Variants in WDR81 observed in about 807,000 individuals in gnomAD.
WDR81 encodes WD repeat domain 81, also known as WD repeat-containing protein 81.
WDR81 carries 92 observed loss-of-function variants against 140.8 expected under a neutral mutation model. The observed-to-expected ratio is 0.65, with a 90% CI of 0.55 to 0.78. The LOEUF is 0.78. WDR81 is among the 30% of genes least tolerant of loss of function. WDR81 has a pLI of 0.00. For missense variants in WDR81, 2,502 were observed against 2,636.4 expected (o/e 0.95, Z 1.12); for synonymous variants, 1,183 against 1,156.4 (o/e 1.02, Z -0.47).
intron 4 of WDR81, among the ~76,000 whole-genome samples, chr17:1,731,859 G>T (rs111299189): frequency 0.025 from 3,781 of 151,866 alleles, 156 homozygotes; most frequent in African/African-American, 0.086. Context: ...CCCAGGAAGC[G>T]GAGGTTGCAG....
rs73292910 is a variant in WDR81 at position 1,728,274 on chromosome 17, G to A, written c.3315G>A (p.Leu1105=). ...CCCAGGAGGCTGAGGCTGTGAGCCT[G>A]GGCCGGCTGAGTGACAAGAGCAGCA... ...PQPQEAEAVS[L]GRLSDKSSTS... The change falls in exon 1 of 10, where the codon CTG becomes CTA. Residue 1105 remains leucine, a synonymous_variant. Transcript: ENST00000409644. The A allele has an allele frequency of 5.9e-3, 9,577 of 1,612,586 alleles. 494 individuals carry two copies. In the African/African-American group the frequency reaches 0.11, roughly 19 times the overall value.
Position 1,716,551 on chromosome 17 carries a change from G to C in WDR81, c.-206G>C. 5.2e-6 allele frequency: 8 copies of C among 1,551,014 alleles called. No individual in the cohort carries two copies. The South Asian group carries it at 9.5e-5, about 18-fold the overall frequency. ...CGAGAGTCCTAAAGAGCAGGCGAAA[G>C]CCACGGCGTCTGCGTTTGCAATGCA... On this transcript the variant is annotated 5_prime_UTR_variant, in exon 1 of 11. Coordinates refer to the WDR81 transcript ENST00000309182.
chr17:1,723,968 T>C (rs1915038012), upstream of WDR81, among the ~76,000 whole-genome samples: 1 of 152,216 alleles, frequency 6.6e-6, no homozygotes, highest in Non-Finnish European at 1.5e-5. Flanking sequence ...CAGAGTGTGT[T>C]GCGAGGGCCA....
chr17:1,717,043 G>C (rs551451152), intron 1 of WDR81: 60 of 228,114 alleles, frequency 2.6e-4, no homozygotes, highest in African/African-American at 1.3e-3. Flanking sequence ...TCACCTTAGG[G>C]TAGAGGGAGG....
At chr17:1,722,936 G>A (rs944255245), upstream of WDR81, among the ~76,000 whole-genome samples, 28 of 151,880 alleles carry the variant, frequency 1.8e-4, no homozygotes, top group Admixed American at 8.5e-4. Context: ...CTCATGATCC[G>A]CCCACCTTGG....
Position 1,730,903 on chromosome 17 carries a change from G to T in WDR81, c.3924G>T (p.Glu1308Asp). The change falls in exon 3 of 10, where the codon GAG becomes GAT. Residue 1308 changes from glutamate (E) to aspartate (D), a missense_variant. Coordinates refer to ENST00000409644, the MANE Select transcript of WDR81 (RefSeq NM_001163809.2). ...CLLHIARLYG[E>D]PVLTYQYLPY... ...TCCACATCGCCCGCCTGTATGGGGA[G>T]CCTGTCCTCACCTACCAGTACCTGC... 2 of 1,613,262 alleles carry T rather than the reference G, an allele frequency of 1.2e-6. No individual in the cohort carries two copies. Among genetic ancestry groups the T allele is most frequent in the South Asian group, 1.1e-5 (1 of 91,090 alleles).
Position 1,728,046 on chromosome 17 carries a change from TGAG to T in WDR81, c.3097_3099del (p.Glu1033del), listed in dbSNP as rs35048651. ...AGAGCAAGGACCTGGCAGGGGCTGC[TGAG>T]GAGGAGGAGAGCGGGCTGCCCGGGG... On this transcript the variant is annotated inframe_deletion, in exon 1 of 10. Coordinates refer to ENST00000409644, the MANE Select transcript of WDR81 (RefSeq NM_001163809.2). The T allele has an allele frequency of 0.22, 349,053 of 1,566,038 alleles. 41,007 individuals carry two copies. Among genetic ancestry groups the T allele is most frequent in the South Asian group, 0.38 (32,960 of 85,974 alleles).
At position 1,726,608 on chromosome 17, in the gene WDR81, G is replaced by A; in HGVS notation, c.1649G>A (p.Gly550Asp). The change falls in exon 1 of 10, where the codon GGC becomes GAC. Residue 550 changes from glycine to aspartate, a missense_variant. Physicochemically the swap from Gly to Asp is moderately conservative, Grantham distance 94 (BLOSUM62 -1). Around this residue, in one of 3 missense-constraint regions of WDR81, gnomAD observed 218 missense variants for 279.6 expected, o/e 0.78. Transcript: ENST00000409644. ...CACCATTGGATCGACCTCACGTTTG[G>A]CTATAAACTCCAGGGTAAGGAGGCT... ...DLHHWIDLTFGYKLQGKEAVK... is the reference protein window; with the variant it reads ...DLHHWIDLTFDYKLQGKEAVK... 1 of 1,550,306 alleles carries A rather than the reference G, an allele frequency of 6.5e-7. No individual in the cohort carries two copies. The highest frequency in any genetic ancestry group is 8.7e-7 in the Non-Finnish European group (1 of 1,146,966).
rs777613113 is a variant in WDR81 at position 1,728,068 on chromosome 17, C to T, written c.3109C>T (p.Pro1037Ser). Reference protein sequence around the residue: ...GAAEEEESGLPGAGPGSCAFG... With the variant: ...GAAEEEESGLSGAGPGSCAFG... The stretch of plus-strand genomic sequence containing the variant: ...TGCTGAGGAGGAGGAGAGCGGGCTG[C>T]CCGGGGCCGGGCCTGGCTCCTGTGC... The change falls in exon 1 of 10, where the codon CCC (proline) becomes TCC (serine). Residue 1037 changes from proline (P) to serine (S), a missense_variant. Transcript: ENST00000409644. 2 of 1,582,376 alleles carry T rather than the reference C, an allele frequency of 1.3e-6. No individual in the cohort carries two copies. The highest frequency in any genetic ancestry group is 1.7e-6 in the Non-Finnish European group (2 of 1,165,106).
At position 1,737,431 on chromosome 17, in the gene WDR81, G is replaced by C; in HGVS notation, c.5572G>C (p.Glu1858Gln). 1 of 1,612,962 alleles carries C rather than the reference G, an allele frequency of 6.2e-7. No individual in the cohort carries two copies. The highest frequency in any genetic ancestry group is 8.5e-7 in the Non-Finnish European group (1 of 1,179,980). The stretch of plus-strand genomic sequence containing the variant: ...TTCCTTGACCGTCTGGAAGGAGCTG[G>C]AGCAGAAGCCCACCCATCACTACAA... Reference protein sequence around the residue: ...DHSLTVWKELEQKPTHHYKSA... With the variant: ...DHSLTVWKELQQKPTHHYKSA... The change falls in exon 10 of 10, where the codon GAG (glutamate) becomes CAG (glutamine). Residue 1858 changes from glutamate (E) to glutamine (Q), a missense_variant. Transcript: ENST00000409644.
intron 1 of WDR81, among the ~76,000 whole-genome samples, chr17:1,719,330 G>C (rs747950873): frequency 6.9e-6 from 1 of 144,988 alleles, no homozygotes; most frequent in Non-Finnish European, 1.5e-5. Flanking sequence ...GGCGGATCAC[G>C]AGGTCAGGAG....
At position 1,735,730 on chromosome 17, in the gene WDR81, C is replaced by T. The variant is rs1293931751; in HGVS notation, c.5325+13C>T. 6.2e-7 allele frequency: 1 copy of T among 1,605,108 alleles called. No individual in the cohort carries two copies. The highest frequency in any genetic ancestry group is 2.2e-5 in the East Asian group (1 of 44,658). Reference sequence around the variant, plus strand: ...GCCTGGTCTGCAGGTCAGGGGGGTCCAGTTCCCTGAGCACTCGCCTGGTTC... The same window carrying T: ...GCCTGGTCTGCAGGTCAGGGGGGTCTAGTTCCCTGAGCACTCGCCTGGTTC... On this transcript the variant is annotated intron_variant, in intron 8 of 9. Transcript: ENST00000409644. The surrounding 1 kb of genome is among the most constrained non-coding windows in gnomAD (Gnocchi z 4.2).
At chr17:1,720,822 C>T (rs1914824029), upstream of WDR81, among the ~76,000 whole-genome samples, 1 of 151,608 alleles carries the variant, frequency 6.6e-6, no homozygotes, top group African/African-American at 2.4e-5. Flanking sequence ...TGCCCTAGGG[C>T]TCAGATTGGG....
rs1315284308 is a variant in WDR81, at chr17:1,732,656, T to C, written c.4324-10T>C. The C allele has an allele frequency of 1.9e-6, 3 of 1,595,224 alleles. No individual in the cohort carries two copies. The highest frequency in any genetic ancestry group is 2.6e-6 in the Non-Finnish European group (3 of 1,169,490). Reference sequence around the variant, plus strand: ...GGACCCGGCTGACCCCCTGGGTGTCTTGCTCATAGGATCTGAAGCTGGACC... The same window carrying C: ...GGACCCGGCTGACCCCCTGGGTGTCCTGCTCATAGGATCTGAAGCTGGACC... On this transcript the variant is annotated splice_polypyrimidine_tract_variant and intron_variant, in intron 5 of 9. Coordinates refer to ENST00000409644, the MANE Select transcript of WDR81 (RefSeq NM_001163809.2).
chr17:1,725,283 T>C lies in WDR81; in HGVS notation c.324T>C (p.His108=). The part of the protein sequence containing the change: ...LPAGWTRVEV[H]GLRKRRLSYP... ...CCGGCTGGACGCGCGTGGAGGTGCA[T>C]GGGCTGCGGAAGCGGAGACTGTCCT... The change falls in exon 1 of 10, where the codon CAT becomes CAC. Residue 108 remains histidine, a synonymous_variant. Transcript: ENST00000409644. 1 of 1,546,750 alleles carries C rather than the reference T, an allele frequency of 6.5e-7. No homozygotes were observed. The highest frequency in any genetic ancestry group is 1.2e-5 in the South Asian group (1 of 84,062).
chr17:1,722,031 G>A (rs1363185238), upstream of WDR81, among the ~76,000 whole-genome samples: 1 of 152,050 alleles, frequency 6.6e-6, no homozygotes, highest in Non-Finnish European at 1.5e-5. Context: ...GCTGAGGCAG[G>A]AGAATCGCTT....
chr17:1,724,824 G>A lies in WDR81; in HGVS notation c.-136G>A. On this transcript the variant is annotated 5_prime_UTR_variant, in exon 1 of 10. Coordinates refer to ENST00000409644, the MANE Select transcript of WDR81 (RefSeq NM_001163809.2). ...CCCGTCCGCCTCTTCGCCGCCGCCGGCTTCCTGCGGCCGCCTCCGCCCCAG... is the reference window on the plus strand; with the variant it reads ...CCCGTCCGCCTCTTCGCCGCCGCCGACTTCCTGCGGCCGCCTCCGCCCCAG... 2 of 1,207,250 alleles carry A rather than the reference G, an allele frequency of 1.7e-6. No homozygotes were observed. The highest frequency in any genetic ancestry group is 1.6e-5 in the African/African-American group (1 of 63,466). The allele number at this position is 1,207,250 out of a possible 1,614,324, so 74.8% of individuals were successfully genotyped here.
Position 1,727,570 on chromosome 17 carries a change from G to A in WDR81, c.2611G>A (p.Val871Ile), listed in dbSNP as rs1294557792. 1.3e-6 allele frequency: 2 copies of A among 1,550,364 alleles called. No individual in the cohort carries two copies. The highest frequency in any genetic ancestry group is 2.7e-5 in the African/African-American group (2 of 73,062). The change falls in exon 1 of 10, where the codon GTT (valine) becomes ATT (isoleucine). Residue 871 changes from valine to isoleucine, a missense_variant. This residue lies in a region of WDR81 where 1,737 missense variants were observed against 1,843.0 expected (regional missense o/e 0.94). Coordinates refer to ENST00000409644, the MANE Select transcript of WDR81 (RefSeq NM_001163809.2). ...SQLLSPFSSV[V>I]PFPPYFPALH... ...GCTTCTCAGCCCCTTCAGCTCCGTG[G>A]TTCCCTTCCCACCCTACTTCCCGGC...
chr17:1,732,586 C>T (rs1904447294), intron 5 of WDR81, 80 bp from the exon 6 acceptor site: 3 of 1,573,722 alleles, frequency 1.9e-6, no homozygotes, highest in African/African-American at 2.7e-5. Flanking sequence ...AAGCTGGACT[C>T]CGCGGGCCGT....
Sources: gnomAD v4.1 joint callset for allele counts (sites outside exome capture counted in the v4.1 genomes callset) on GRCh38, gnomAD v4.1.1 for gene constraint, gnomAD v4.1.1 regional missense constraint, Gnocchi (gnomAD v3.1) non-coding constraint, MANE v1.5 for transcripts, NCBI Gene and HGNC (gene_info 2026-07-23, HGNC 2026-07-21) for gene names.